The following METTL25 variants were observed in gnomAD, a reference collection of about 807,000 sequenced individuals.
METTL25 encodes probable methyltransferase-like protein 25.
METTL25 carries 64 observed loss-of-function variants against 71.6 expected under a neutral mutation model. The ratio of observed to expected loss-of-function variants is 0.89; its 90% CI spans 0.73 to 1.10. The LOEUF (loss-of-function observed/expected upper bound fraction) is 1.10, where lower values mean the gene tolerates loss of function less well. Ranked by LOEUF, METTL25 falls within the 50% of genes least tolerant of loss-of-function variation. The pLI is 0.00. For missense variants in METTL25, 807 were observed against 707.0 expected (o/e 1.14, Z -1.60); for synonymous variants, 287 against 250.3 (o/e 1.15, Z -1.38).
intron 9 of METTL25, among the ~76,000 whole-genome samples, chr12:82,462,398 A>G (rs1194660965): frequency 6.6e-6 from 1 of 152,034 alleles, no homozygotes; most frequent in Non-Finnish European, 1.5e-5. Context: ...AATCCTCTGT[A>G]CTATGTTTTA....
intron 10 of METTL25, 89 bp downstream of exon 10, chr12:82,476,807 ATGT>A: frequency 1.3e-6 from 1 of 796,914 alleles, no homozygotes; most frequent in Non-Finnish European, 2.0e-6. Flanking sequence ...TAAGCAATCT[ATGT>A]TGTTTTTCTC....
chr12:82,378,338 T>G (rs2136902348), intron 1 of METTL25, among the ~76,000 whole-genome samples: 1 of 152,366 alleles, frequency 6.6e-6, no homozygotes, highest in Admixed American at 6.5e-5. Context: ...GACCTAACTT[T>G]TATGAACTAT....
chr12:82,475,392 G>A (rs1892826558), intron 9 of METTL25, among the ~76,000 whole-genome samples: 1 of 152,028 alleles, frequency 6.6e-6, no homozygotes, highest in African/African-American at 2.4e-5. Context: ...CATGGGTTCT[G>A]TACAAAGTGG....
chr12:82,376,695 C>A (rs1883897896), intron 1 of METTL25, among the ~76,000 whole-genome samples: 1 of 152,142 alleles, frequency 6.6e-6, no homozygotes, highest in South Asian at 2.1e-4. Flanking sequence ...TTTAATACTG[C>A]TTAATACTTT....
At chr12:82,458,744 CTA>C (rs1327358499) in intron 9 of METTL25, among the ~76,000 whole-genome samples, 1 of 152,122 alleles carries the variant, frequency 6.6e-6, no homozygotes, top group Non-Finnish European at 1.5e-5. Context: ...TCAGAAGAAA[CTA>C]TAATCAGAAC....
rs370042271 is a variant in METTL25 at position 82,454,295 on chromosome 12, A to AAGG, written c.1479-2426_1479-2424dup. ...AAGCAATATTTGAGATAGGATCTGA[A>AAGG]AGGAGGAGTTTGGTGTTTCCAAAGC... On this transcript the variant is annotated intron_variant, in intron 8 of 11. Coordinates refer to ENST00000248306, the MANE Select transcript of METTL25 (RefSeq NM_032230.3). Among the ~76,000 whole-genome samples the AAGG allele has an allele frequency of 5.3e-5, 8 of 152,148 alleles. No individual in the cohort carries two copies. In the East Asian group the frequency reaches 1.5e-3, roughly 29 times the overall value.
At chr12:82,423,847 C>T (rs868697944) in intron 5 of METTL25, among the ~76,000 whole-genome samples, 8 of 152,242 alleles carry the variant, frequency 5.3e-5, no homozygotes, top group South Asian at 2.1e-4. Flanking sequence ...TATCATCTCA[C>T]GCCAGTTAGA....
intron 1 of METTL25, among the ~76,000 whole-genome samples, chr12:82,368,568 A>G (rs866139394): frequency 1.1e-4 from 17 of 152,276 alleles, no homozygotes; most frequent in Middle Eastern, 6.8e-3. Context: ...GCAGGCTCCA[A>G]TCAGTTCCCT....
At chr12:82,438,673 G>T in intron 7 of METTL25, 45 bp from the exon 8 acceptor site, 10 of 1,240,374 alleles carry the variant, frequency 8.1e-6, no homozygotes, top group East Asian at 2.7e-5. Flanking sequence ...TTTTATTTCT[G>T]TTTTTTTTGT....
At chr12:82,402,937 C>A in intron 4 of METTL25, 46 bp from the exon 5 acceptor site, 1 of 1,421,624 alleles carries the variant, frequency 7.0e-7, no homozygotes, top group Non-Finnish European at 9.7e-7. Context: ...TTTAAACAAC[C>A]CTCTTTTTAA....
intron 8 of METTL25, 29 bp from the exon 9 acceptor site, chr12:82,456,698 C>G (rs983873978): frequency 8.0e-6 from 11 of 1,370,844 alleles, no homozygotes; most frequent in Non-Finnish European, 1.0e-5. Context: ...ATTGGAAAAA[C>G]TAAAAATTTA....
chr12:82,433,143 A>G (rs916964877), intron 6 of METTL25, among the ~76,000 whole-genome samples: 1 of 151,660 alleles, frequency 6.6e-6, no homozygotes, highest in Non-Finnish European at 1.5e-5. Context: ...TGTAATCACA[A>G]TTTATTATTT....
chr12:82,461,137 C>T lies in METTL25; in HGVS notation c.1572+4317C>T, dbSNP rs374417390. Among the ~76,000 whole-genome samples the T allele has an allele frequency of 5.2e-4, 79 of 151,814 alleles. 2 individuals carry two copies. The South Asian group carries it at 0.016, about 30-fold the overall frequency. Reference sequence around the variant, plus strand: ...CAGCCTGGGTGACAGAGCAAGACTCCGTCTCCAAAAAAATATGTATATATA... The same window carrying T: ...CAGCCTGGGTGACAGAGCAAGACTCTGTCTCCAAAAAAATATGTATATATA... On this transcript the variant is annotated intron_variant, in intron 9 of 11. Transcript: ENST00000248306.
At chr12:82,390,121 A>G (rs768666726) in intron 3 of METTL25, among the ~76,000 whole-genome samples, 199 bp downstream of exon 3, 6 of 152,142 alleles carry the variant, frequency 3.9e-5, no homozygotes, top group Non-Finnish European at 7.4e-5. Context: ...TAGAAAATTT[A>G]TAGTAAAATC....
At position 82,358,698 on chromosome 12, in the gene METTL25, T is replaced by C; in HGVS notation, c.133T>C (p.Ser45Pro). 6.2e-7 allele frequency: 1 copy of C among 1,614,152 alleles called. No individual in the cohort carries two copies. Among genetic ancestry groups the C allele is most frequent in the South Asian group, 1.1e-5 (1 of 91,088 alleles). The change falls in exon 1 of 12, where the codon TCC becomes CCC. Residue 45 changes from serine to proline, a missense_variant. Ser to Pro is a moderately conservative substitution (Grantham distance 74). Coordinates refer to ENST00000248306, the MANE Select transcript of METTL25 (RefSeq NM_032230.3). ...ACATACCGTGGATTTCTACACAGAA[T>C]CCGTGTGGGAGGAGCTGGTCGACTT... Reference protein sequence around the residue: ...NAHTVDFYTESVWEELVDLPP... With the variant: ...NAHTVDFYTEPVWEELVDLPP...
chr12:82,453,313 T>A (rs1316405491), intron 8 of METTL25, among the ~76,000 whole-genome samples: 1 of 152,180 alleles, frequency 6.6e-6, no homozygotes, highest in African/African-American at 2.4e-5. Flanking sequence ...TGGTGTGGTG[T>A]CATGGAATCT....
At chr12:82,423,835 G>T (rs958123092) in intron 5 of METTL25, among the ~76,000 whole-genome samples, 1 of 152,148 alleles carries the variant, frequency 6.6e-6, no homozygotes, top group African/African-American at 2.4e-5. Context: ...ACCACAATGA[G>T]ATATCATCTC....
chr12:82,370,263 A>G (rs1363430417), intron 1 of METTL25, among the ~76,000 whole-genome samples: 1 of 152,204 alleles, frequency 6.6e-6, no homozygotes, highest in African/African-American at 2.4e-5. Context: ...TTGTAAGACC[A>G]TCTGTAACTT....
chr12:82,447,813 C>T (rs982623080), intron 8 of METTL25, among the ~76,000 whole-genome samples: 2 of 151,956 alleles, frequency 1.3e-5, no homozygotes, highest in Non-Finnish European at 1.5e-5. Flanking sequence ...TGCTTTTGTT[C>T]AGTATCACTA....
Sources: allele counts gnomAD v4.1 joint callset (sites outside exome capture counted in the v4.1 genomes callset), GRCh38; gene constraint gnomAD v4.1.1; transcripts MANE v1.5; gene names NCBI Gene and HGNC (gene_info 2026-07-23, HGNC 2026-07-21).